The following STIP1 variants were observed in gnomAD, a reference collection of about 807,000 sequenced individuals.
STIP1 encodes stress induced phosphoprotein 1.
STIP1 carries 16 observed loss-of-function variants against 77.4 expected under a neutral mutation model. The ratio of observed to expected loss-of-function variants is 0.21; its 90% confidence interval spans 0.14 to 0.31. The LOEUF (loss-of-function observed/expected upper bound fraction) is 0.31. STIP1 is among the 10% of genes least tolerant of loss of function. The pLI, the probability that STIP1 is intolerant of heterozygous loss-of-function variation, is 1.00. For synonymous variants in STIP1, 258 were observed against 246.6 expected (o/e 1.05, Z -0.44); for missense variants, 524 against 684.8 (o/e 0.77, Z 2.62).
chr11:64,192,883 C>T (rs919355495), intron 1 of STIP1, among the ~76,000 whole-genome samples, 195 bp from the exon 2 acceptor site: 1 of 152,176 alleles, frequency 6.6e-6, no homozygotes, highest in Non-Finnish European at 1.5e-5. Flanking sequence ...GGGCTCTTTG[C>T]CCCTGCTTAT....
At chr11:64,186,488 G>T in intron 1 of STIP1, 1 of 414,412 alleles carries the variant, frequency 2.4e-6, no homozygotes, top group South Asian at 1.0e-4. Flanking sequence ...CCCCCTGGTT[G>T]GGCGAGGAGG....
At chr11:64,190,696 T>C (rs1946083083) in intron 1 of STIP1, among the ~76,000 whole-genome samples, 1 of 152,206 alleles carries the variant, frequency 6.6e-6, no homozygotes, top group South Asian at 2.1e-4. Context: ...CAACTCTATC[T>C]CACAGAACGT....
intron 1 of STIP1, 27 bp downstream of exon 1, chr11:64,186,297 C>G: frequency 6.5e-7 from 1 of 1,536,708 alleles, no homozygotes; most frequent in Non-Finnish European, 8.8e-7. Flanking sequence ...GGGCTGAGGC[C>G]CCGAGCCTGC....
chr11:64,186,347 GGC>G, intron 1 of STIP1, 77 bp downstream of exon 1: 3 of 1,304,484 alleles, frequency 2.3e-6, no homozygotes, highest in Non-Finnish European at 3.1e-6. Context: ...AGGGGGGCGG[GGC>G]GGGCGCCGGA....
intron 8 of STIP1, among the ~76,000 whole-genome samples, chr11:64,199,522 A>G (rs1476258711): frequency 6.8e-6 from 1 of 146,926 alleles, no homozygotes; most frequent in Non-Finnish European, 1.5e-5. Context: ...AAAAAAAGAA[A>G]AAAATCTTGC....
In STIP1 at chr11:64,194,534, T is replaced by A; in HGVS notation, c.417T>A (p.Ser139Arg). The A allele has an allele frequency of 6.2e-7, 1 of 1,614,074 alleles. No homozygotes were observed. The highest frequency in any genetic ancestry group is 1.1e-5 in the South Asian group (1 of 91,084). The change falls in exon 4 of 14, where the codon AGT (serine) becomes AGA (arginine). Residue 139 changes from serine (S) to arginine (R), a missense_variant. Physicochemically the swap from Ser to Arg is moderately radical, Grantham distance 110. Coordinates refer to ENST00000305218, the MANE Select transcript of STIP1 (RefSeq NM_006819.3). ...CTAATCTGTATCAGAAGTTGGAGAG[T>A]GATCCCAGGACAAGGACACTACTCA... Reference protein sequence around the residue: ...NMPNLYQKLESDPRTRTLLSD... With the variant: ...NMPNLYQKLERDPRTRTLLSD...
chr11:64,187,301 C>T (rs369507310), intron 1 of STIP1, among the ~76,000 whole-genome samples: 70 of 152,288 alleles, frequency 4.6e-4, no homozygotes, highest in Admixed American at 1.1e-3. Flanking sequence ...CAAGAAACCT[C>T]TACCAACCTC....
At chr11:64,195,616 TTTTC>T (rs761763196) in intron 4 of STIP1, 25 bp from the exon 5 acceptor site, 3 of 1,538,126 alleles carry the variant, frequency 2.0e-6, no homozygotes, top group South Asian at 1.2e-5. Flanking sequence ...TAATTACAAT[TTTTC>T]TTTATTTTTT....
intron 5 of STIP1, among the ~76,000 whole-genome samples, chr11:64,196,582 T>C (rs1328572326): frequency 6.6e-6 from 1 of 152,112 alleles, no homozygotes; most frequent in African/African-American, 2.4e-5. Context: ...CGAAGAATGT[T>C]GTCCACATCA....
chr11:64,193,564 A>G (rs1201959899), intron 2 of STIP1: 1 of 422,374 alleles, frequency 2.4e-6, no homozygotes, highest in African/African-American at 2.0e-5. Flanking sequence ...TGGGCGGATC[A>G]CTTGAGGTCA....
chr11:64,201,036 T>TAAA (rs35305932), intron 10 of STIP1, among the ~76,000 whole-genome samples: 11 of 129,826 alleles, frequency 8.5e-5, no homozygotes, highest in African/African-American at 2.4e-4. Context: ...CCCCTTTTTT[T>TAAA]AAAAAAAAAA....
rs757105298 is a variant in STIP1, at chr11:64,197,494, G to A, written c.801G>A (p.Ala267=). 1.9e-6 allele frequency: 3 copies of A among 1,613,970 alleles called. No individual in the cohort carries two copies. The highest frequency in any genetic ancestry group is 1.3e-5 in the African/African-American group (1 of 74,896). The change falls in exon 7 of 14, where the codon GCG becomes GCA. Residue 267 remains alanine, a splice_region_variant and synonymous_variant. Transcript: ENST00000305218. ...CTTCTTAACCATCCTGCCTGGCAGC[G>A]GTATACTTTGAAAAGGGCGACTACA... ...TNMTYITNQA[A]VYFEKGDYNK...
At chr11:64,190,661 T>A (rs922683346) in intron 1 of STIP1, among the ~76,000 whole-genome samples, 3 of 152,162 alleles carry the variant, frequency 2.0e-5, no homozygotes, top group African/African-American at 7.2e-5. Context: ...GGATAATACA[T>A]AGAATGAGTT....
At chr11:64,200,638 G>A (rs1946209211) in intron 10 of STIP1, among the ~76,000 whole-genome samples, 1 of 149,988 alleles carries the variant, frequency 6.7e-6, no homozygotes, top group Non-Finnish European at 1.5e-5. Flanking sequence ...TAAAATATGG[G>A]ACCTGTATCT....
chr11:64,186,030 A>T, upstream of STIP1: 1 of 1,545,696 alleles, frequency 6.5e-7, no homozygotes, highest in Non-Finnish European at 8.7e-7. Flanking sequence ...GGGTTGAGGG[A>T]ATTACTCCCC....
rs758975758 is a variant in STIP1, at chr11:64,194,631, G to A, written c.503+11G>A. 2.5e-6 allele frequency: 4 copies of A among 1,610,642 alleles called. No homozygotes were observed. The highest frequency in any genetic ancestry group is 2.5e-6 in the Non-Finnish European group (3 of 1,177,756). Reference sequence around the variant, plus strand: ...TTCTGACCTGGGCACGTAAGTGGACGCCGCTCACTGAGGTTCTGGAAATCG... The same window carrying A: ...TTCTGACCTGGGCACGTAAGTGGACACCGCTCACTGAGGTTCTGGAAATCG... On this transcript the variant is annotated intron_variant, in intron 4 of 13. Coordinates refer to ENST00000305218, the MANE Select transcript of STIP1 (RefSeq NM_006819.3).
At chr11:64,190,944 T>A (rs931339847) in intron 1 of STIP1, among the ~76,000 whole-genome samples, 1 of 152,058 alleles carries the variant, frequency 6.6e-6, no homozygotes, top group Admixed American at 6.5e-5. Flanking sequence ...TCCCAGCACT[T>A]TGGGAGGCCA....
chr11:64,198,476 C>T (rs7123004), intron 8 of STIP1, among the ~76,000 whole-genome samples: 18,474 of 151,716 alleles, frequency 0.12, 3,186 homozygotes, highest in African/African-American at 0.38. Context: ...CTCCCAAAGT[C>T]CTGGGATTAC....
rs1292338219 is a variant in STIP1 at position 64,203,446 on chromosome 11, G to T, written c.1387-4G>T. On this transcript the variant is annotated splice_polypyrimidine_tract_variant and splice_region_variant and intron_variant, in intron 12 of 13. Transcript: ENST00000305218. ...GCTTCACCTTTGTCTCTTCTGGACT[G>T]CAGGAGGCGGCAGACGGCTACCAGC... 6.2e-7 allele frequency: 1 copy of T among 1,613,990 alleles called. No homozygotes were observed. The highest frequency in any genetic ancestry group is 1.7e-5 in the Admixed American group (1 of 60,032).
Sources: gnomAD v4.1 joint callset for allele counts (sites outside exome capture counted in the v4.1 genomes callset) on GRCh38, gnomAD v4.1.1 for gene constraint, MANE v1.5 for transcripts, NCBI Gene and HGNC (gene_info 2026-07-23, HGNC 2026-07-21) for gene names.